UGDH: variants seen among roughly 807,000 people sequenced by gnomAD.
UGDH encodes the protein UDP-glucose 6-dehydrogenase, also known as UDP-Glc dehydrogenase.
Under a neutral mutation model 50.6 loss-of-function variants are expected in UGDH, and 38 were observed. That is an observed-to-expected ratio of 0.75 (90% CI 0.58 to 0.98). The LOEUF (loss-of-function observed/expected upper bound fraction) is 0.98, where lower values mean the gene tolerates loss of function less well. UGDH is among the 50% of genes least tolerant of loss of function. The pLI is 0.00. For synonymous variants in UGDH, 168 were observed against 199.9 expected, an observed-to-expected ratio of 0.84 and a Z score of 1.35; for missense variants, 465 against 606.2, an observed-to-expected ratio of 0.77 and a Z score of 2.45.
Position 39,500,182 on chromosome 4 carries a change from A to G in UGDH, c.1446T>C (p.Phe482=). 6.2e-7 allele frequency: 1 copy of G among 1,605,548 alleles called. No homozygotes were observed. Among genetic ancestry groups the G allele is most frequent in the Non-Finnish European group, 8.5e-7 (1 of 1,175,224 alleles). Residue 482 remains phenylalanine (F), a synonymous_variant, in exon 12 of 12, where the codon TTT becomes TTC. Transcript: ENST00000316423. ...PYAPSGEIPK[F]SLQDPPNKKP... ...TCTTGTTAGGTGGATCTTGAAGACT[A>G]AACTTCGGAATTTCACCAGAAGGAG...
intron 2 of UGDH, 78 bp downstream of exon 2, chr4:39,521,273 A>T: frequency 7.4e-7 from 1 of 1,342,842 alleles, no homozygotes; most frequent in Non-Finnish European, 9.9e-7. Flanking sequence ...AGATTTTTAT[A>T]TTAATAGTGC....
chr4:39,505,840 T>C (rs1298684853), intron 7 of UGDH, 92 bp from the exon 8 acceptor site: 3 of 1,276,496 alleles, frequency 2.4e-6, no homozygotes, highest in Non-Finnish European at 3.1e-6. Context: ...AGTGCTATTG[T>C]ACAAATACAA....
intron 6 of UGDH, 43 bp from the exon 7 acceptor site, chr4:39,508,703 A>G: frequency 7.2e-6 from 11 of 1,532,652 alleles, no homozygotes; most frequent in Non-Finnish European, 8.8e-6. Flanking sequence ...TGTAAGAACG[A>G]GAAAACTCAA....
chr4:39,514,847 T>C (rs1398962719), intron 2 of UGDH, among the ~76,000 whole-genome samples: 1 of 151,972 alleles, frequency 6.6e-6, no homozygotes, highest in Non-Finnish European at 1.5e-5. Context: ...CACACTGGGC[T>C]AATTTTGTAT....
rs1424664727 is a variant in UGDH at position 39,502,815 on chromosome 4, C to T, written c.1374+1060G>A. Among the ~76,000 whole-genome samples the T allele has an allele frequency of 1.4e-3, 213 of 151,552 alleles. 1 individual carries two copies. The highest frequency in any genetic ancestry group is 5.1e-3 in the African/African-American group (209 of 41,194). On this transcript the variant is annotated intron_variant, in intron 11 of 11. Coordinates refer to ENST00000316423, the MANE Select transcript of UGDH (RefSeq NM_003359.4). ...AGGCTGGCATGCAATGGCATGATCT[C>T]AGCTCATTACAACCTCTGCCTGCTG...
At chr4:39,525,549 C>T (rs1336769960) in intron 1 of UGDH, among the ~76,000 whole-genome samples, 4 of 144,852 alleles carry the variant, frequency 2.8e-5, no homozygotes, top group Non-Finnish European at 4.5e-5. Flanking sequence ...CTCAGTTGCC[C>T]AGGTTGGAGT....
chr4:39,521,442 G>A lies in UGDH; in HGVS notation c.71C>T (p.Ala24Val). Reference sequence around the variant, plus strand: ...TACCCTGATTTCAGGACACATATGAGCAATGACACTACATGTGGGTCCTCC... The same window carrying A: ...TACCCTGATTTCAGGACACATATGAACAATGACACTACATGTGGGTCCTCC... ...YVGGPTCSVI[A>V]HMCPEIRVTV... The change falls in exon 2 of 12, where the codon GCT (alanine) becomes GTT (valine). Residue 24 changes from alanine (A) to valine (V), a missense_variant. By Grantham distance (64) the Ala-to-Val change is moderately conservative (BLOSUM62 0). Transcript: ENST00000316423. 6.2e-7 allele frequency: 1 copy of A among 1,613,214 alleles called. No homozygotes were observed. Among genetic ancestry groups the A allele is most frequent in the Admixed American group, 1.7e-5 (1 of 59,844 alleles).
chr4:39,505,043 T>C (rs1021991758), intron 9 of UGDH, among the ~76,000 whole-genome samples, 194 bp downstream of exon 9: 1 of 152,162 alleles, frequency 6.6e-6, no homozygotes, highest in Non-Finnish European at 1.5e-5. Flanking sequence ...GAAAAATCAA[T>C]GGACCAATCC....
At chr4:39,523,253 T>C (rs572961057) in intron 1 of UGDH, among the ~76,000 whole-genome samples, 217 of 151,886 alleles carry the variant, frequency 1.4e-3, no homozygotes, top group Non-Finnish European at 2.8e-3. Flanking sequence ...GGTTTTGCCA[T>C]GTTGCCCAGG....
chr4:39,523,901 A>G (rs1467808825), intron 1 of UGDH, among the ~76,000 whole-genome samples: 1 of 152,200 alleles, frequency 6.6e-6, no homozygotes, highest in African/African-American at 2.4e-5. Flanking sequence ...GTCTCACTCC[A>G]ACCCCTTCCT....
rs1162572684 is a variant in UGDH, at chr4:39,500,054, G to A, written c.*89C>T. On this transcript the variant is annotated 3_prime_UTR_variant, in exon 12 of 12. Transcript: ENST00000316423. ...AAAAAAAAACAAAAAAAAACACTTG[G>A]TTCATTTACCATTTAATAGCAGATA... 3 of 762,656 alleles carry A rather than the reference G, an allele frequency of 3.9e-6. No individual in the cohort carries two copies. The highest frequency in any genetic ancestry group is 2.8e-5 in the Admixed American group (1 of 35,268). The allele number at this position is 762,656 out of a possible 1,614,324, so 47.2% of individuals were successfully genotyped here.
Position 39,498,782 on chromosome 4 carries a change from A to G in UGDH, c.*1361T>C, listed in dbSNP as rs1745681557. ...GTTGTTGATGGAGAATGTTTTATTT[A>G]TGTAATTTTCATCTGTAGAGATGCT... On this transcript the variant is annotated 3_prime_UTR_variant, in exon 12 of 12. Coordinates refer to ENST00000316423, the MANE Select transcript of UGDH (RefSeq NM_003359.4). 6.6e-6 allele frequency: 1 copy of G among 152,162 alleles called. No homozygotes were observed. Among genetic ancestry groups the G allele is most frequent in the Non-Finnish European group, 1.5e-5 (1 of 68,028 alleles). The allele number at this position is 152,162 out of a possible 1,614,324, so 9.4% of individuals were successfully genotyped here.
At chr4:39,508,799 T>A (rs1746124037) in intron 6 of UGDH, 139 bp from the exon 7 acceptor site, 3 of 684,894 alleles carry the variant, frequency 4.4e-6, no homozygotes, top group Non-Finnish European at 6.9e-6. Flanking sequence ...AATAATGGGC[T>A]TATAAATTAT....
intron 11 of UGDH, among the ~76,000 whole-genome samples, chr4:39,500,811 C>T (rs1242724986): frequency 6.6e-6 from 1 of 151,964 alleles, no homozygotes; most frequent in Admixed American, 6.6e-5. Context: ...TGCACCACCA[C>T]ACCTGGCTAA....
intron 1 of UGDH, among the ~76,000 whole-genome samples, chr4:39,523,873 A>G (rs964209662): frequency 6.6e-6 from 1 of 152,158 alleles, no homozygotes; most frequent in East Asian, 1.9e-4. Context: ...ATCTGTTGTA[A>G]CAAGGTACAC....
In UGDH at chr4:39,509,884, C is replaced by G; in HGVS notation, c.687G>C (p.Gln229His). The change falls in exon 6 of 12, where the codon CAG (glutamine) becomes CAC (histidine). Residue 229 changes from glutamine to histidine, a missense_variant. Transcript: ENST00000316423. ...TTATGGAGTTAATGCTGCTTATTCTCTGGGCAAGAAAAGCATTTGCTGCCT... is the reference window on the plus strand; with the variant it reads ...TTATGGAGTTAATGCTGCTTATTCTGTGGGCAAGAAAAGCATTTGCTGCCT... ...SKLAANAFLAQRISSINSISA... is the reference protein window; with the variant it reads ...SKLAANAFLAHRISSINSISA... 6.3e-7 allele frequency: 1 copy of G among 1,595,456 alleles called. No individual in the cohort carries two copies. The highest frequency in any genetic ancestry group is 8.5e-7 in the Non-Finnish European group (1 of 1,175,566).
At chr4:39,525,249 A>G (rs1380870755) in intron 1 of UGDH, among the ~76,000 whole-genome samples, 2 of 152,184 alleles carry the variant, frequency 1.3e-5, no homozygotes. Context: ...GCTGGAGTGC[A>G]GTGGCACCAT....
intron 1 of UGDH, chr4:39,527,016 G>A (rs1327996677): frequency 7.8e-7 from 1 of 1,289,198 alleles, no homozygotes; most frequent in Non-Finnish European, 1.0e-6. Flanking sequence ...TCAGGAAAGT[G>A]GGTAAAGGCA....
intron 11 of UGDH, among the ~76,000 whole-genome samples, chr4:39,501,432 C>G (rs1745812363): frequency 6.6e-6 from 1 of 151,936 alleles, no homozygotes; most frequent in Admixed American, 6.6e-5. Context: ...TGCCACCACG[C>G]CCGGCAATTT....
Sources: allele counts gnomAD v4.1 joint callset (sites outside exome capture counted in the v4.1 genomes callset), GRCh38; gene constraint gnomAD v4.1.1; transcripts MANE v1.5; gene names NCBI Gene and HGNC (gene_info 2026-07-23, HGNC 2026-07-21).